Variants in METTL6 observed in about 807,000 individuals in gnomAD.
METTL6 encodes the protein tRNA N(3)-cytidine methyltransferase METTL6.
Under a neutral mutation model 26.4 loss-of-function variants are expected in METTL6, and 22 were observed. That is an observed-to-expected ratio of 0.83 (90% CI 0.59 to 1.19). The LOEUF is 1.19. METTL6 is among the 50% of genes most tolerant of loss of function. METTL6 has a pLI of 0.00. For synonymous variants in METTL6, 109 were observed against 116.2 expected (o/e 0.94, Z 0.40); for missense variants, 304 against 324.8 (o/e 0.94, Z 0.49).
chr3:15,387,345 C>T (rs762469539), intron 6 of METTL6, among the ~76,000 whole-genome samples: 14 of 152,194 alleles, frequency 9.2e-5, no homozygotes, highest in African/African-American at 2.9e-4. Flanking sequence ...TTTTGGCCAG[C>T]TTCTTTACTG....
chr3:15,427,290 G>A (rs534245126), intron 1 of METTL6, 112 bp downstream of exon 1: 1 of 191,432 alleles, frequency 5.2e-6, no homozygotes, highest in East Asian at 1.8e-4. Flanking sequence ...TAGACCCTGA[G>A]GAGGGCGTCC....
intron 6 of METTL6, among the ~76,000 whole-genome samples, chr3:15,396,730 T>A (rs890628053): frequency 6.6e-6 from 1 of 152,216 alleles, no homozygotes; most frequent in East Asian, 1.9e-4. Context: ...TACAGGTCTG[T>A]TGGAGTTTGC....
Position 15,395,483 on chromosome 3 carries a change from C to T in METTL6, c.*12-11296G>A, listed in dbSNP as rs538876019. 4.9e-4 allele frequency among the ~76,000 whole-genome samples: 75 copies of T among 152,174 alleles called. No homozygotes were observed. The South Asian group carries it at 0.015, about 30-fold the overall frequency. ...GCCACTCTGGGTCTTTTAATTGGAA[C>T]ATTTAGTCCATTTACATTTAAGGTT... On this transcript the variant is annotated intron_variant, in intron 6 of 6. Coordinates refer to the METTL6 transcript ENST00000443029.
At chr3:15,405,138 G>C (rs1169170047), downstream of METTL6, among the ~76,000 whole-genome samples, 1 of 152,182 alleles carries the variant, frequency 6.6e-6, no homozygotes, top group Non-Finnish European at 1.5e-5. Context: ...TTGGGGATAG[G>C]AAAGTACAAA....
chr3:15,398,066 C>G (rs1242069809), intron 6 of METTL6, among the ~76,000 whole-genome samples: 1 of 152,158 alleles, frequency 6.6e-6, no homozygotes, highest in Admixed American at 6.6e-5. Context: ...CACCCCCACC[C>G]TTTCCCCCAA....
intron 6 of METTL6, among the ~76,000 whole-genome samples, chr3:15,390,020 A>G (rs75620612): frequency 0.022 from 3,256 of 149,058 alleles, 97 homozygotes; most frequent in African/African-American, 0.072. Context: ...ATCTCAAGGG[A>G]AAAAAAAAAG....
At position 15,424,974 on chromosome 3, in the gene METTL6, C is replaced by G. The variant is rs745817787; in HGVS notation, c.341G>C (p.Arg114Thr). Reference sequence around the variant, plus strand: ...ACCAACCTTAACATATTCAATGGCTCTTGGAGAAAAATCACAGGCATAGGC... The same window carrying G: ...ACCAACCTTAACATATTCAATGGCTGTTGGAGAAAAATCACAGGCATAGGC... Reference protein sequence around the residue: ...IFAYACDFSPRAIEYVKQNPL... With the variant: ...IFAYACDFSPTAIEYVKQNPL... Residue 114 changes from arginine (R) to threonine (T), a missense_variant, in exon 3 of 6, where the codon AGA becomes ACA. Transcript: ENST00000383790. The G allele has an allele frequency of 9.9e-6, 16 of 1,614,018 alleles. No individual in the cohort carries two copies. Among genetic ancestry groups the G allele is most frequent in the Admixed American group, 8.3e-5 (5 of 59,996 alleles).
At chr3:15,419,401 AG>A (rs2061560005) in intron 3 of METTL6, among the ~76,000 whole-genome samples, 1 of 152,244 alleles carries the variant, frequency 6.6e-6, no homozygotes, top group Non-Finnish European at 1.5e-5. Flanking sequence ...TCCAGTGCTT[AG>A]AACAGTGACT....
At position 15,411,137 on chromosome 3, in the gene METTL6, C is replaced by T. The variant is rs571957767; in HGVS notation, c.*119G>A. ...CTCAAACTCCTGACCTCAGATGATC[C>T]CCCAACCTCGGCCTCCCGAAGTGCT... On this transcript the variant is annotated 3_prime_UTR_variant, in exon 6 of 6. Coordinates refer to ENST00000383790, the MANE Select transcript of METTL6 (RefSeq NM_152396.4). 188 of 1,131,172 alleles carry T rather than the reference C, an allele frequency of 1.7e-4. 1 individual carries two copies. In the South Asian group the frequency reaches 2.9e-3, roughly 17 times the overall value. 70.1% of individuals were successfully genotyped at this position (1,131,172 alleles called of 1,614,324 possible).
intron 6 of METTL6, among the ~76,000 whole-genome samples, chr3:15,398,803 T>C (rs1699560970): frequency 6.6e-6 from 1 of 152,094 alleles, no homozygotes; most frequent in South Asian, 2.1e-4. Flanking sequence ...GGAGCCATGA[T>C]CATGTCAGAG....
At chr3:15,414,914 C>T (rs1359983271) in intron 4 of METTL6, 58 of 1,104,660 alleles carry the variant, frequency 5.3e-5, no homozygotes, top group South Asian at 6.3e-5. Flanking sequence ...ACAGCAAGAC[C>T]CTGTCTCAAA....
At chr3:15,398,951 G>C (rs150153398) in intron 6 of METTL6, among the ~76,000 whole-genome samples, 344 of 152,290 alleles carry the variant, frequency 2.3e-3, no homozygotes, top group African/African-American at 7.8e-3. Context: ...AGGTCACAAA[G>C]ACCTTGCTGA....
At position 15,414,164 on chromosome 3, in the gene METTL6, T is replaced by C. The variant is rs769262810; in HGVS notation, c.532-2A>G. The C allele has an allele frequency of 1.9e-5, 30 of 1,604,022 alleles. No individual in the cohort carries two copies. The highest frequency in any genetic ancestry group is 2.4e-5 in the Non-Finnish European group (28 of 1,176,828). ...GACACTTTTGCCTGGTTTTAATACC[T>C]ATGAAACAAAAGCAGGCTGAACATG... On this transcript the variant is annotated splice_acceptor_variant, in intron 4 of 5. Coordinates refer to ENST00000383790, the MANE Select transcript of METTL6 (RefSeq NM_152396.4). LOFTEE classifies it high-confidence loss of function.
In METTL6 at chr3:15,414,021, C is replaced by T; in HGVS notation, c.673G>A (p.Asp225Asn). ...AAAGACTGGATTCCATTCATCTTAC[C>T]ATCAGTAAAAAAATATGATCTGGTC... Reference protein sequence around the residue: ...DGTRSYFFTDDFLAQLFMDTG... With the variant: ...DGTRSYFFTDNFLAQLFMDTG... The change falls in exon 5 of 6, where the codon GAC becomes AAC. Residue 225 changes from aspartate to asparagine, a missense_variant and splice_region_variant. Asp to Asn is a conservative substitution (Grantham distance 23, BLOSUM62 1). Transcript: ENST00000383790. 1 of 1,613,556 alleles carries T rather than the reference C, an allele frequency of 6.2e-7. No homozygotes were observed.
chr3:15,407,601 A>G (rs1292606457), downstream of METTL6, among the ~76,000 whole-genome samples: 1 of 152,176 alleles, frequency 6.6e-6, no homozygotes, highest in Non-Finnish European at 1.5e-5. Context: ...CCTGGTTCCT[A>G]GATTCACATC....
chr3:15,426,654 T>TA lies in METTL6; in HGVS notation c.-124-20dup. The TA allele has an allele frequency of 1.4e-6, 1 of 714,718 alleles. No individual in the cohort carries two copies. Among genetic ancestry groups the TA allele is most frequent in the South Asian group, 1.8e-5 (1 of 54,146 alleles). 44.3% of individuals were successfully genotyped at this position (714,718 alleles called of 1,614,324 possible). A position where few individuals can be genotyped will look rare whatever the true frequency, so the allele number is the denominator to read the frequency against. ...CAGGGGGCTTCGCAGAGAAAAGAAT[T>TA]AGATTCTGGTTAGTGGTTACAGTTC... On this transcript the variant is annotated intron_variant, in intron 1 of 5. Transcript: ENST00000383790.
chr3:15,400,526 C>T (rs182527467), intron 6 of METTL6, among the ~76,000 whole-genome samples: 213 of 152,230 alleles, frequency 1.4e-3, no homozygotes, highest in Non-Finnish European at 7.5e-4. Context: ...CTTAAAGAAC[C>T]CATTCTCTTA....
intron 6 of METTL6, among the ~76,000 whole-genome samples, chr3:15,401,554 A>AAAAG (rs1553626465): frequency 3.2e-4 from 47 of 147,914 alleles, no homozygotes; most frequent in Non-Finnish European, 3.6e-4. Flanking sequence ...AAAAAAAAAA[A>AAAAG]AAAGAAAGAA....
rs965210265 is a variant in METTL6, at chr3:15,410,331, T to G, written c.*925A>C. 6.6e-6 allele frequency among the ~76,000 whole-genome samples: 1 copy of G among 152,200 alleles called. No homozygotes were observed. The highest frequency in any genetic ancestry group is 1.5e-5 in the Non-Finnish European group (1 of 68,034). On this transcript the variant is annotated 3_prime_UTR_variant, in exon 6 of 6. Transcript: ENST00000383790. ...TGAATGTGATCTTTCAAATTTTTTT[T>G]GTTTTTTTTGAGACAGACTTTTGCT...
Sources: allele counts gnomAD v4.1 joint callset (sites outside exome capture counted in the v4.1 genomes callset), GRCh38; gene constraint gnomAD v4.1.1; transcripts MANE v1.5; gene names NCBI Gene and HGNC (gene_info 2026-07-23, HGNC 2026-07-21).